The following GPAT4 variants were observed in gnomAD, a reference collection of about 807,000 sequenced individuals.
GPAT4 encodes glycerol-3-phosphate acyltransferase 4.
Under a neutral mutation model 58.0 loss-of-function variants are expected in GPAT4, and 17 were observed. That is an observed-to-expected ratio of 0.29 (90% confidence interval 0.20 to 0.44). GPAT4 has a LOEUF of 0.44. Among genes scored for constraint, GPAT4 ranks in the 20% least tolerant of loss-of-function variants. The pLI, the probability that GPAT4 is intolerant of heterozygous loss-of-function variation, is 1.00. For synonymous variants in GPAT4, 204 were observed against 210.1 expected (o/e 0.97, Z 0.25); for missense variants, 377 against 574.5 (o/e 0.66, Z 3.51).
chr8:41,586,944 G>A (rs1393279816), intron 1 of GPAT4, among the ~76,000 whole-genome samples: 6 of 152,142 alleles, frequency 3.9e-5, no homozygotes, highest in African/African-American at 1.4e-4. Context: ...TTTCATCTGG[G>A]CTGAGGCCCA....
At chr8:41,588,995 TC>T (rs1802723090) in intron 1 of GPAT4, among the ~76,000 whole-genome samples, 1 of 152,106 alleles carries the variant, frequency 6.6e-6, no homozygotes, top group African/African-American at 2.4e-5. Context: ...ATGAATGGCT[TC>T]CCCAGCTCAC....
In GPAT4 at chr8:41,622,437, C is replaced by T. The variant is rs930076003; in HGVS notation, c.*1436C>T. 2.0e-5 allele frequency: 3 copies of T among 152,340 alleles called. No homozygotes were observed. The highest frequency in any genetic ancestry group is 7.2e-5 in the African/African-American group (3 of 41,430). 9.4% of individuals were successfully genotyped at this position (152,340 alleles called of 1,614,324 possible). ...GGAGGCAGAGCCAAGGCCAAGCAGCCCCTGTGGGTTCTGGGGTTTCACCAG... is the reference window on the plus strand; with the variant it reads ...GGAGGCAGAGCCAAGGCCAAGCAGCTCCTGTGGGTTCTGGGGTTTCACCAG... On this transcript the variant is annotated 3_prime_UTR_variant, in exon 13 of 13. Coordinates refer to ENST00000396987, the MANE Select transcript of GPAT4 (RefSeq NM_178819.4).
intron 6 of GPAT4, 39 bp downstream of exon 6, chr8:41,612,031 T>C: frequency 7.5e-6 from 12 of 1,609,384 alleles, no homozygotes; most frequent in Non-Finnish European, 8.5e-6. Flanking sequence ...GAGATGGCGC[T>C]GCAGGAAACA....
At chr8:41,612,362 C>T in intron 7 of GPAT4, 89 bp downstream of exon 7, 1 of 1,299,072 alleles carries the variant, frequency 7.7e-7, no homozygotes, top group Non-Finnish European at 1.1e-6. Flanking sequence ...TTCACATAAA[C>T]ACATTTATGC....
chr8:41,614,414 A>C lies in GPAT4; in HGVS notation c.940A>C (p.Lys314Gln). The C allele has an allele frequency of 6.2e-7, 1 of 1,614,126 alleles. No homozygotes were observed. Among genetic ancestry groups the C allele is most frequent in the Non-Finnish European group, 8.5e-7 (1 of 1,180,008 alleles). ...RLTEHVQDKS[K>Q]LPILIFPEGT... Reference sequence around the variant, plus strand: ...GACTGAACATGTGCAAGATAAAAGCAAGCTGCCTATCCTCATCTTCCCAGA... The same window carrying C: ...GACTGAACATGTGCAAGATAAAAGCCAGCTGCCTATCCTCATCTTCCCAGA... Residue 314 changes from lysine (K) to glutamine (Q), a missense_variant, in exon 9 of 13, where the codon AAG (lysine) becomes CAG (glutamine). By Grantham distance (53) the Lys-to-Gln change is moderately conservative (BLOSUM62 1). Transcript: ENST00000396987.
At chr8:41,616,819 G>A (rs1017355046) in intron 10 of GPAT4, among the ~76,000 whole-genome samples, 2 of 152,214 alleles carry the variant, frequency 1.3e-5, no homozygotes, top group African/African-American at 4.8e-5. Flanking sequence ...CTGGTCTACA[G>A]ATTACTGGTT....
intron 1 of GPAT4, among the ~76,000 whole-genome samples, chr8:41,579,576 G>A (rs544924641): frequency 1.3e-5 from 2 of 152,146 alleles, no homozygotes; most frequent in Non-Finnish European, 2.9e-5. Flanking sequence ...GGTGACTCAC[G>A]CCGGTAATCC....
At position 41,624,749 on chromosome 8, in the gene GPAT4, C is replaced by T. The variant is rs9559; in HGVS notation, c.*3748C>T. On this transcript the variant is annotated 3_prime_UTR_variant, in exon 13 of 13. Coordinates refer to ENST00000396987, the MANE Select transcript of GPAT4 (RefSeq NM_178819.4). ...TTTGCTCTAGATTAAAAGTATTGAT[C>T]ATTTCATTTGTAAACGATAAATAAA... is the stretch of plus-strand genomic sequence containing the variant. 8,288 of 152,254 alleles carry T rather than the reference C, an allele frequency of 0.054. 238 individuals are homozygous for T. The highest frequency in any genetic ancestry group is 0.067 in the Non-Finnish European group (4,531 of 68,016). 9.4% of individuals were successfully genotyped at this position (152,254 alleles called of 1,614,324 possible). A position where few individuals can be genotyped will look rare whatever the true frequency, so the allele number is the denominator to read the frequency against.
At chr8:41,582,554 A>G (rs538541941) in intron 1 of GPAT4, among the ~76,000 whole-genome samples, 3 of 152,102 alleles carry the variant, frequency 2.0e-5, no homozygotes, top group Non-Finnish European at 2.9e-5. Flanking sequence ...GTGCTGTCCC[A>G]TAGAAATATT....
rs567763395 is a variant in GPAT4, at chr8:41,601,266, T to A, written c.165+1962T>A. Among the ~76,000 whole-genome samples the A allele has an allele frequency of 6.3e-4, 96 of 152,178 alleles. 1 individual carries two copies. The highest frequency in any genetic ancestry group is 1.1e-3 in the Non-Finnish European group (75 of 68,026). ...CCATTGCAGACCCACCCCAGACCTA[T>A]TGAGTTAGACTCTGCACAGGTGAAT... On this transcript the variant is annotated intron_variant, in intron 2 of 12. Transcript: ENST00000396987.
Position 41,595,126 on chromosome 8 carries a change from T to C in GPAT4, c.-848-3166T>C, listed in dbSNP as rs527554573. Among the ~76,000 whole-genome samples, 3 of 151,654 alleles carry C rather than the reference T, an allele frequency of 2.0e-5. No homozygotes were observed. The South Asian group carries it at 6.2e-4, about 31-fold the overall frequency. On this transcript the variant is annotated intron_variant, in intron 1 of 12. Transcript: ENST00000396987. ...ATCCTTTGCTATTAATAAGACCTTG[T>C]TTAGTCCAAATTAACTTAGAATTGG... is the stretch of plus-strand genomic sequence containing the variant.
intron 1 of GPAT4, among the ~76,000 whole-genome samples, chr8:41,596,991 T>G (rs1414541841): frequency 6.6e-6 from 1 of 152,130 alleles, no homozygotes; most frequent in Non-Finnish European, 1.5e-5. Context: ...CATGCACCGG[T>G]AATCAGAATG....
chr8:41,610,855 G>A (rs754014269), intron 5 of GPAT4, 45 bp downstream of exon 5: 1 of 1,546,090 alleles, frequency 6.5e-7, no homozygotes, highest in South Asian at 1.2e-5. Context: ...AGTTAGTTCT[G>A]GGAATGGTGC....
At chr8:41,600,040 T>C (rs1423905687) in intron 2 of GPAT4, among the ~76,000 whole-genome samples, 2 of 135,118 alleles carry the variant, frequency 1.5e-5, no homozygotes, top group East Asian at 2.0e-4. Context: ...TCTTTTCTTT[T>C]TTTTTTTTTT....
intron 2 of GPAT4, among the ~76,000 whole-genome samples, chr8:41,602,349 C>T (rs1373588991): frequency 6.6e-6 from 1 of 152,182 alleles, no homozygotes; most frequent in African/African-American, 2.4e-5. Flanking sequence ...ATTTGCACTC[C>T]TTCCTTCCTT....
At chr8:41,589,937 T>C (rs561732002) in intron 1 of GPAT4, among the ~76,000 whole-genome samples, 8 of 152,316 alleles carry the variant, frequency 5.3e-5, no homozygotes, top group Non-Finnish European at 1.0e-4. Context: ...CCTGAGAACT[T>C]CGGTAACTCA....
At chr8:41,612,356 C>T in intron 7 of GPAT4, 83 bp downstream of exon 7, 1 of 1,388,540 alleles carries the variant, frequency 7.2e-7, no homozygotes, top group Non-Finnish European at 1.0e-6. Context: ...GGACCCTTCA[C>T]ATAAACACAT....
Position 41,621,085 on chromosome 8 carries a change from G to C in GPAT4, c.*84G>C. On this transcript the variant is annotated 3_prime_UTR_variant, in exon 13 of 13. Transcript: ENST00000396987. ...TTGCCGCCGCCGCCCCCACTGCTGT[G>C]TCCTTTCCAGACTCCAGGGCTCCCC... is the stretch of plus-strand genomic sequence containing the variant. The C allele has an allele frequency of 6.6e-7, 1 of 1,522,198 alleles. No homozygotes were observed. The highest frequency in any genetic ancestry group is 8.9e-7 in the Non-Finnish European group (1 of 1,128,942). 94.3% of individuals were successfully genotyped at this position (1,522,198 alleles called of 1,614,324 possible).
Position 41,622,658 on chromosome 8 carries a change from C to A in GPAT4, c.*1657C>A, listed in dbSNP as rs1803789156. On this transcript the variant is annotated 3_prime_UTR_variant, in exon 13 of 13. Coordinates refer to ENST00000396987, the MANE Select transcript of GPAT4 (RefSeq NM_178819.4). Reference sequence around the variant, plus strand: ...TGTGCTCCTGGGGCTGCAGACAGATCCACTTTGCATGTGGTACCTGCTGGG... The same window carrying A: ...TGTGCTCCTGGGGCTGCAGACAGATACACTTTGCATGTGGTACCTGCTGGG... The A allele has an allele frequency of 6.6e-6, 1 of 152,298 alleles. No individual in the cohort carries two copies. The highest frequency in any genetic ancestry group is 6.5e-5 in the Admixed American group (1 of 15,282). 9.4% of individuals were successfully genotyped at this position (152,298 alleles called of 1,614,324 possible).
Sources: allele counts gnomAD v4.1 joint callset (sites outside exome capture counted in the v4.1 genomes callset), GRCh38; gene constraint gnomAD v4.1.1; transcripts MANE v1.5; gene names NCBI Gene and HGNC (gene_info 2026-07-23, HGNC 2026-07-21).